Variants in ARHGAP28 observed in about 807,000 individuals in gnomAD.
ARHGAP28 encodes rho GTPase-activating protein 28.
In ARHGAP28, 56 loss-of-function variants were observed where a neutral mutation model predicts 90.7. That is an observed-to-expected ratio of 0.62 (90% CI 0.50 to 0.77). The LOEUF (loss-of-function observed/expected upper bound fraction) is 0.77, where lower values mean the gene tolerates loss of function less well. Among genes scored for constraint, ARHGAP28 ranks in the 30% least tolerant of loss-of-function variants. The probability of loss-of-function intolerance (pLI) is 0.00; values close to 1 mark genes in which losing one functional copy is unlikely to be tolerated. For missense variants in ARHGAP28, 869 were observed against 900.9 expected, an observed-to-expected ratio of 0.96 and a Z score of 0.45; for synonymous variants, 308 against 323.3, an observed-to-expected ratio of 0.95 and a Z score of 0.51.
At chr18:6,811,676 A>G (rs2056557621) in intron 1 of ARHGAP28, among the ~76,000 whole-genome samples, 1 of 151,918 alleles carries the variant, frequency 6.6e-6, no homozygotes, top group African/African-American at 2.4e-5. Flanking sequence ...TTTCTACTAC[A>G]ATGTATTTAG....
At chr18:6,841,468 TATAAG>T (rs1343560703) in intron 3 of ARHGAP28, among the ~76,000 whole-genome samples, 2 of 151,662 alleles carry the variant, frequency 1.3e-5, no homozygotes, top group African/African-American at 4.8e-5. Flanking sequence ...GATAGATAAG[TATAAG>T]ATACTTATAT....
chr18:6,873,226 C>T (rs1282425992), intron 7 of ARHGAP28, among the ~76,000 whole-genome samples, 183 bp from the exon 8 acceptor site: 1 of 152,198 alleles, frequency 6.6e-6, no homozygotes, highest in Non-Finnish European at 1.5e-5. Flanking sequence ...ATTAGCATAG[C>T]AGTGATCTGC....
chr18:6,908,957 C>G lies in ARHGAP28; in HGVS notation c.2031-3C>G, dbSNP rs765030068. 6.6e-7 allele frequency: 1 copy of G among 1,508,290 alleles called. No individual in the cohort carries two copies. Among genetic ancestry groups the G allele is most frequent in the Non-Finnish European group, 9.1e-7 (1 of 1,094,312 alleles). The allele number at this position is 1,508,290 out of a possible 1,614,324, so 93.4% of individuals were successfully genotyped here. A position where few individuals can be genotyped will look rare whatever the true frequency, so the allele number is the denominator to read the frequency against. On this transcript the variant is annotated splice_region_variant and splice_polypyrimidine_tract_variant and intron_variant, in intron 16 of 17. Transcript: ENST00000383472. The stretch of plus-strand genomic sequence containing the variant: ...AATTATATTATTTTCTCATTTTTTT[C>G]AGTCATGGTTCATCAGAATGTATTA...
chr18:6,820,555 T>C (rs2056619968), intron 1 of ARHGAP28, among the ~76,000 whole-genome samples: 1 of 152,184 alleles, frequency 6.6e-6, no homozygotes, highest in African/African-American at 2.4e-5. Flanking sequence ...AGCCCACAGA[T>C]TGAAGCTCAG....
intron 3 of ARHGAP28, among the ~76,000 whole-genome samples, chr18:6,841,193 C>CCTCTCTCACTGTCTCTCTCCTCTT (rs1567966720): frequency 1.6e-5 from 1 of 61,300 alleles, no homozygotes; most frequent in Non-Finnish European, 3.1e-5. Context: ...CTCTCTCTCT[C>CCTCTCTCACTGTCTCTCTCCTCTT]TCTCTCTCTC....
chr18:6,768,238 A>G (rs567205677), intron 1 of ARHGAP28, among the ~76,000 whole-genome samples: 3 of 152,004 alleles, frequency 2.0e-5, no homozygotes, highest in East Asian at 3.9e-4. Context: ...TTATGTCCTT[A>G]TGTGCTAATT....
intron 1 of ARHGAP28, among the ~76,000 whole-genome samples, chr18:6,771,034 T>C (rs1027670666): frequency 1.3e-5 from 2 of 152,000 alleles, no homozygotes; most frequent in African/African-American, 4.8e-5. Flanking sequence ...TTTGTTTTGT[T>C]TTATTTTTAT....
chr18:6,870,770 T>C (rs763336341), intron 7 of ARHGAP28, 38 bp downstream of exon 7: 2 of 1,562,050 alleles, frequency 1.3e-6, no homozygotes, highest in Non-Finnish European at 1.7e-6. Context: ...AGGAACTTCC[T>C]GTGACTTCAT....
intron 5 of ARHGAP28, among the ~76,000 whole-genome samples, chr18:6,865,353 A>G (rs566848181): frequency 7.9e-5 from 12 of 152,354 alleles, no homozygotes; most frequent in Non-Finnish European, 1.6e-4. Flanking sequence ...CAAGTGTTAT[A>G]TCTTCTGCTG....
chr18:6,765,546 T>G (rs2056193540), intron 1 of ARHGAP28, among the ~76,000 whole-genome samples: 1 of 152,146 alleles, frequency 6.6e-6, no homozygotes. Flanking sequence ...TTAATTTTAC[T>G]TATCTTTTCC....
intron 15 of ARHGAP28, 52 bp from the exon 16 acceptor site, chr18:6,896,449 GC>G (rs2057305145): frequency 6.2e-7 from 1 of 1,602,550 alleles, no homozygotes; most frequent in African/African-American, 1.3e-5. Context: ...GCATCATTGA[GC>G]CGATATTCAT....
intron 1 of ARHGAP28, among the ~76,000 whole-genome samples, chr18:6,750,397 T>TGA (rs2056059687): frequency 6.6e-6 from 1 of 152,216 alleles, no homozygotes; most frequent in Non-Finnish European, 1.5e-5. Context: ...TCTGTTCCCT[T>TGA]TCTATACATC....
chr18:6,882,271 T>C lies in ARHGAP28; in HGVS notation c.1425T>C (p.Tyr475=). 2 of 1,613,888 alleles carry C rather than the reference T, an allele frequency of 1.2e-6. No homozygotes were observed. Among genetic ancestry groups the C allele is most frequent in the Non-Finnish European group, 8.5e-7 (1 of 1,179,930 alleles). The part of the protein sequence containing the change: ...ELPTSLFPVE[Y]IPAFISLMER... ...CCACCTCTCTCTTCCCTGTGGAATA[T>C]ATACCTGCCTTCATCAGTCTAATGG... The change falls in exon 11 of 18, where the codon TAT becomes TAC. Residue 475 remains tyrosine (Y), a synonymous_variant. Coordinates refer to ENST00000383472, the MANE Select transcript of ARHGAP28 (RefSeq NM_001366230.1).
At chr18:6,806,290 G>A (rs1665141748) in intron 1 of ARHGAP28, among the ~76,000 whole-genome samples, 1 of 151,842 alleles carries the variant, frequency 6.6e-6, no homozygotes, top group African/African-American at 2.4e-5. Context: ...TGTTATTTTA[G>A]TGATTCCTTT....
At chr18:6,890,677 A>G (rs2057258601) in intron 14 of ARHGAP28, 134 bp downstream of exon 14, 2 of 538,066 alleles carry the variant, frequency 3.7e-6, no homozygotes, top group East Asian at 2.9e-5. Flanking sequence ...GTAACTATAA[A>G]CATCATGGAA....
chr18:6,848,960 C>T (rs2056887482), intron 3 of ARHGAP28, among the ~76,000 whole-genome samples: 1 of 151,946 alleles, frequency 6.6e-6, no homozygotes. Flanking sequence ...CTTTTAAAGG[C>T]TGATCAGGGC....
intron 1 of ARHGAP28, among the ~76,000 whole-genome samples, chr18:6,762,320 A>G (rs1367267454): frequency 6.6e-6 from 1 of 152,180 alleles, no homozygotes. Flanking sequence ...CCTTAGGGTA[A>G]CCTGAACTGC....
chr18:6,816,638 A>G (rs761178748), intron 1 of ARHGAP28, among the ~76,000 whole-genome samples: 2 of 152,206 alleles, frequency 1.3e-5, no homozygotes, highest in African/African-American at 2.4e-5. Flanking sequence ...CCCAAAACTC[A>G]TGGAATCTGT....
In ARHGAP28 at chr18:6,837,253, G is replaced by T; in HGVS notation, c.382G>T (p.Gly128Cys). The change falls in exon 3 of 18, where the codon GGT (glycine) becomes TGT (cysteine). Residue 128 changes from glycine (G) to cysteine (C), a missense_variant. Gly to Cys is a radical substitution (Grantham distance 159). Coordinates refer to ENST00000383472, the MANE Select transcript of ARHGAP28 (RefSeq NM_001366230.1). ...QDVGLSTLIS[G>C]DEEEDGKALL... Reference sequence around the variant, plus strand: ...TGTGGGTTTATCAACTCTGATCTCAGGTGATGAAGAGGAAGATGGCAAAGC... The same window carrying T: ...TGTGGGTTTATCAACTCTGATCTCATGTGATGAAGAGGAAGATGGCAAAGC... The T allele has an allele frequency of 1.3e-6, 2 of 1,595,986 alleles. No homozygotes were observed. The highest frequency in any genetic ancestry group is 1.7e-6 in the Non-Finnish European group (2 of 1,172,426).
Sources: allele counts gnomAD v4.1 joint callset (sites outside exome capture counted in the v4.1 genomes callset), GRCh38; gene constraint gnomAD v4.1.1; transcripts MANE v1.5; gene names NCBI Gene and HGNC (gene_info 2026-07-23, HGNC 2026-07-21).